The following ANK3 variants were observed in gnomAD, a reference collection of about 807,000 sequenced individuals.
The protein encoded by ANK3 is ankyrin-3.
In ANK3, 57 loss-of-function variants were observed where a neutral mutation model predicts 370.9. The ratio of observed to expected loss-of-function variants is 0.15; its 90% CI spans 0.12 to 0.19. The LOEUF is 0.19. Ranked by LOEUF, ANK3 falls within the 10% of genes least tolerant of loss-of-function variation. ANK3 has a pLI of 1.00. For missense variants in ANK3, 4,439 were observed against 5,302.1 expected (o/e 0.84, Z 5.06); for synonymous variants, 1,929 against 1,946.3 (o/e 0.99, Z 0.23).
upstream of ANK3, among the ~76,000 whole-genome samples, chr10:60,393,183 T>A (rs763704397): frequency 6.6e-6 from 1 of 152,152 alleles, no homozygotes; most frequent in African/African-American, 2.4e-5. Flanking sequence ...CGGAGCTGCA[T>A]GGCTGAATGG....
intron 1 of ANK3, among the ~76,000 whole-genome samples, chr10:60,673,381 G>A (rs543672920): frequency 2.1e-4 from 32 of 151,148 alleles, no homozygotes; most frequent in Non-Finnish European, 4.1e-4. Context: ...ACAGAGTTTC[G>A]CTCTTGCTGC....
chr10:60,642,507 T>G (rs1341084424), intron 1 of ANK3, among the ~76,000 whole-genome samples: 5 of 152,036 alleles, frequency 3.3e-5, no homozygotes, highest in Non-Finnish European at 7.4e-5. Context: ...TTGGAAATCA[T>G]CATTCTCAGT....
intron 2 of ANK3, among the ~76,000 whole-genome samples, chr10:60,431,645 T>C (rs1426614957): frequency 6.6e-6 from 1 of 152,104 alleles, no homozygotes; most frequent in Non-Finnish European, 1.5e-5. Context: ...TGAGGCCTGT[T>C]AGCTGGTGGG....
At chr10:60,697,309 G>A (rs1232543119) in intron 1 of ANK3, among the ~76,000 whole-genome samples, 4 of 151,198 alleles carry the variant, frequency 2.6e-5, no homozygotes, top group East Asian at 1.9e-4. Context: ...AATCAATATC[G>A]TGAAAATGGC....
intron 2 of ANK3, among the ~76,000 whole-genome samples, chr10:60,592,493 C>A (rs1567169081): frequency 6.6e-6 from 1 of 152,204 alleles, no homozygotes; most frequent in Non-Finnish European, 1.5e-5. Flanking sequence ...GGCATGGTAG[C>A]TCACGCCTGT....
At chr10:60,246,622 T>C (rs1475916065) in intron 7 of ANK3, among the ~76,000 whole-genome samples, 1 of 152,190 alleles carries the variant, frequency 6.6e-6, no homozygotes, top group Non-Finnish European at 1.5e-5. Flanking sequence ...ATGTTTGCTG[T>C]TTGTTGTGAA....
rs1439266749 is a variant in ANK3 at position 60,640,930 on chromosome 10, A to G, written c.58-25706T>C. On this transcript the variant is annotated intron_variant, in intron 1 of 43. Coordinates refer to the ANK3 transcript ENST00000373827. ...AAAATCTCCTTAAGCTGATAAGCAA[A>G]GTCTCAGGATACAAAATCAATGTAC... Among the ~76,000 whole-genome samples, 3 of 72,484 alleles carry G rather than the reference A, an allele frequency of 4.1e-5. 1 individual carries two copies. In the East Asian group the frequency reaches 9.7e-4, roughly 24 times the overall value. 47.6% of individuals were successfully genotyped at this position (72,484 alleles called of 152,430 possible). A position where few individuals can be genotyped will look rare whatever the true frequency, so the allele number is the denominator to read the frequency against.
chr10:60,348,908 T>G (rs10761490), intron 1 of ANK3, among the ~76,000 whole-genome samples: 106,152 of 152,084 alleles, frequency 0.7, 38,315 homozygotes, highest in South Asian at 0.91. Context: ...TCTGCTAAAA[T>G]ATCTTAGACT....
chr10:60,688,134 G>T (rs1168047190), intron 1 of ANK3, among the ~76,000 whole-genome samples: 3 of 151,962 alleles, frequency 2.0e-5, no homozygotes, highest in African/African-American at 7.2e-5. Flanking sequence ...CAGTGGCGTG[G>T]TCTCGGCTCA....
intron 2 of ANK3, among the ~76,000 whole-genome samples, chr10:60,530,102 T>G (rs1291606693): frequency 6.6e-6 from 1 of 151,976 alleles, no homozygotes; most frequent in African/African-American, 2.4e-5. Context: ...CTGCCTCCTT[T>G]CCCCCCACCA....
At chr10:60,669,101 A>G (rs1231047151) in intron 1 of ANK3, among the ~76,000 whole-genome samples, 2 of 152,114 alleles carry the variant, frequency 1.3e-5, no homozygotes, top group African/African-American at 4.8e-5. Flanking sequence ...AAGTGGTCAG[A>G]CCTATGTTGT....
At chr10:60,333,693 C>G (rs2052037882) in intron 1 of ANK3, among the ~76,000 whole-genome samples, 1 of 152,148 alleles carries the variant, frequency 6.6e-6, no homozygotes, top group African/African-American at 2.4e-5. Context: ...AATGGTATTT[C>G]TAGTTCTAGA....
chr10:60,270,796 A>G (rs960314570), intron 4 of ANK3, among the ~76,000 whole-genome samples: 3 of 152,212 alleles, frequency 2.0e-5, no homozygotes, highest in African/African-American at 7.2e-5. Flanking sequence ...TGTGGTCTTT[A>G]AGAGCAAAAA....
At chr10:60,333,803 C>T (rs1311939459) in intron 1 of ANK3, among the ~76,000 whole-genome samples, 1 of 152,200 alleles carries the variant, frequency 6.6e-6, no homozygotes, top group Non-Finnish European at 1.5e-5. Context: ...TCCTCTCCAG[C>T]ATCTGTTGTT....
At chr10:60,032,806 G>A (rs904273433) in intron 43 of ANK3, among the ~76,000 whole-genome samples, 1 of 152,122 alleles carries the variant, frequency 6.6e-6, no homozygotes, top group Non-Finnish European at 1.5e-5. Flanking sequence ...TGCAATCAGA[G>A]CCTGTTGGCC....
chr10:60,364,347 G>A (rs1340127649), intron 1 of ANK3, among the ~76,000 whole-genome samples: 2 of 151,342 alleles, frequency 1.3e-5, no homozygotes, highest in Non-Finnish European at 2.9e-5. Flanking sequence ...TAGAAATGAT[G>A]TAAAGAGGTA....
intron 6 of ANK3, 96 bp downstream of exon 6, chr10:60,263,739 G>T: frequency 1.4e-6 from 2 of 1,379,430 alleles, no homozygotes; most frequent in Non-Finnish European, 2.0e-6. Flanking sequence ...TTAAAGGCAT[G>T]GCATAAGCTT....
At chr10:60,683,064 T>C (rs1031529819) in intron 1 of ANK3, among the ~76,000 whole-genome samples, 1 of 151,966 alleles carries the variant, frequency 6.6e-6, no homozygotes, top group Non-Finnish European at 1.5e-5. Context: ...CAGAACTGAA[T>C]TGAAGGACAC....
intron 2 of ANK3, among the ~76,000 whole-genome samples, chr10:60,526,437 TTTA>T (rs2076473296): frequency 6.6e-6 from 1 of 152,122 alleles, no homozygotes; most frequent in Non-Finnish European, 1.5e-5. Context: ...TGGAGTCCCT[TTTA>T]TTGTGTGTTC....
Sources: allele counts gnomAD v4.1 joint callset (sites outside exome capture counted in the v4.1 genomes callset), GRCh38; gene constraint gnomAD v4.1.1; transcripts MANE v1.5; gene names NCBI Gene and HGNC (gene_info 2026-07-23, HGNC 2026-07-21).